MIER2: variants seen among roughly 807,000 people sequenced by gnomAD.
The protein encoded by MIER2 is MIER family member 2.
A neutral mutation model predicts 67.6 loss-of-function variants in MIER2; 30 were observed. The ratio of observed to expected loss-of-function variants is 0.44; its 90% CI spans 0.33 to 0.60. The LOEUF (loss-of-function observed/expected upper bound fraction) is 0.60, where lower values mean the gene tolerates loss of function less well. MIER2 is among the 20% of genes least tolerant of loss of function. The pLI is 0.02. For synonymous variants in MIER2, 372 were observed against 312.6 expected, an observed-to-expected ratio of 1.19 and a Z score of -2.00; for missense variants, 702 against 745.1, an observed-to-expected ratio of 0.94 and a Z score of 0.67.
rs202047659 is a variant in MIER2 at position 334,446 on chromosome 19, C to T, written c.197G>A (p.Cys66Tyr). Reference protein sequence around the residue: ...VRGECEEASRCPDKPKEELEK... With the variant: ...VRGECEEASRYPDKPKEELEK... ...CAGCTCCTCCTTGGGCTTGTCTGGG[C>T]ACCTCGAGGCCTCCTCGCACTCCCC... The change falls in exon 3 of 14, where the codon TGC (cysteine) becomes TAC (tyrosine). Residue 66 changes from cysteine (C) to tyrosine (Y), a missense_variant. Transcript: ENST00000264819. 1 of 1,614,208 alleles carries T rather than the reference C, an allele frequency of 6.2e-7. No homozygotes were observed. Among genetic ancestry groups the T allele is most frequent in the South Asian group, 1.1e-5 (1 of 91,088 alleles).
In MIER2 at chr19:308,644, A is replaced by G. The variant is rs1970778692; in HGVS notation, c.1131T>C (p.Asp377=). The G allele has an allele frequency of 1.2e-6, 2 of 1,605,368 alleles. No homozygotes were observed. Among genetic ancestry groups the G allele is most frequent in the Non-Finnish European group, 1.7e-6 (2 of 1,177,218 alleles). The stretch of plus-strand genomic sequence containing the variant: ...GGCCGGGGCCATCGGGGTCGCTGCC[A>G]TCCAGGTCCTGGTCTGCGTCCCTGT... ...SGTTDADQDL[D]GSDPDGPGRP... Residue 377 remains aspartate (D), a synonymous_variant, in exon 12 of 14, where the codon GAT becomes GAC. Transcript: ENST00000264819. The surrounding 1 kb of genome is among the most constrained non-coding windows in gnomAD (Gnocchi z 9.1).
intron 3 of MIER2, among the ~76,000 whole-genome samples, chr19:331,767 G>A (rs1972037225): frequency 6.6e-6 from 1 of 152,022 alleles, no homozygotes; most frequent in South Asian, 2.1e-4. Flanking sequence ...CAGATCACAA[G>A]GTCAAGAGTT....
chr19:336,050 G>A (rs368730971), intron 2 of MIER2, 33 bp downstream of exon 2: 73 of 1,600,942 alleles, frequency 4.6e-5, no homozygotes, highest in Non-Finnish European at 5.7e-5. Flanking sequence ...AGGCCTTGGC[G>A]GACCTGAGCA....
At chr19:343,407 T>C (rs893971629) in intron 1 of MIER2, among the ~76,000 whole-genome samples, 1 of 152,212 alleles carries the variant, frequency 6.6e-6, no homozygotes, top group African/African-American at 2.4e-5. Context: ...ACCATCTGCA[T>C]GGGGACTCAG....
In MIER2 at chr19:326,611, A is replaced by C; in HGVS notation, c.494-13T>G. The C allele has an allele frequency of 1.2e-6, 2 of 1,612,272 alleles. No homozygotes were observed. The highest frequency in any genetic ancestry group is 1.7e-6 in the Non-Finnish European group (2 of 1,178,344). ...GCCAGGAAACGAGCTTTGGGAAAAC[A>C]GAGGCAGGTCCCCCAGGGTCTCCAC... On this transcript the variant is annotated splice_polypyrimidine_tract_variant and intron_variant, in intron 5 of 13. Transcript: ENST00000264819.
At chr19:324,936 C>A (rs1235479295) in intron 7 of MIER2, among the ~76,000 whole-genome samples, 2 of 152,246 alleles carry the variant, frequency 1.3e-5, no homozygotes, top group East Asian at 1.9e-4. Context: ...ACGGGGCACC[C>A]CCGACCAGCC....
chr19:343,728 G>T, intron 1 of MIER2: 2 of 598,624 alleles, frequency 3.3e-6, no homozygotes, highest in Non-Finnish European at 4.2e-6. Flanking sequence ...GAGTCTGCCC[G>T]CCTGTCGTAA....
At chr19:317,263 G>C (rs940452991) in intron 7 of MIER2, among the ~76,000 whole-genome samples, 4 of 149,748 alleles carry the variant, frequency 2.7e-5, no homozygotes, top group East Asian at 2.0e-4. Flanking sequence ...CGCGGTGGCG[G>C]GCACCTGTAA....
Position 306,420 on chromosome 19 carries a change from G to A in MIER2, c.*270C>T, listed in dbSNP as rs990680470. On this transcript the variant is annotated 3_prime_UTR_variant, in exon 14 of 14. Coordinates refer to ENST00000264819, the MANE Select transcript of MIER2 (RefSeq NM_017550.3). ...GGGTCTCTTCTGTCCCCGGCTGCCC[G>A]ACGGATCCCACGTGCAGGCAGCGGC... 6.0e-5 allele frequency: 35 copies of A among 585,984 alleles called. No homozygotes were observed. Among genetic ancestry groups the A allele is most frequent in the East Asian group, 5.1e-4 (18 of 35,316 alleles). The allele number at this position is 585,984 out of a possible 1,614,324, so 36.3% of individuals were successfully genotyped here.
chr19:308,750 C>T lies in MIER2; in HGVS notation c.1109+51G>A, dbSNP rs769355890. 6.3e-6 allele frequency: 10 copies of T among 1,593,062 alleles called. No individual in the cohort carries two copies. Among genetic ancestry groups the T allele is most frequent in the South Asian group, 4.4e-5 (4 of 90,296 alleles). ...TGCCGCCCAGGCGCCCACGTGCCCA[C>T]CCCCGGCGGGGTGGCCGCCTGTCGT... On this transcript the variant is annotated intron_variant, in intron 11 of 13. Transcript: ENST00000264819. The surrounding 1 kb of genome is among the most constrained non-coding windows in gnomAD (Gnocchi z 9.1).
chr19:306,983 C>T (rs1409850173), intron 13 of MIER2, 136 bp downstream of exon 13: 2 of 1,101,194 alleles, frequency 1.8e-6, no homozygotes, highest in Non-Finnish European at 2.5e-6. Flanking sequence ...TAAAGACACA[C>T]TGAGAGCCTG....
At chr19:330,482 G>C (rs1261627510) in intron 3 of MIER2, 4 of 151,006 alleles carry the variant, frequency 2.6e-5, no homozygotes, top group Non-Finnish European at 5.9e-5. Flanking sequence ...CTGGGAGGCG[G>C]AGCTTGCAGT....
intron 10 of MIER2, 106 bp downstream of exon 10, chr19:311,739 C>A (rs1163326882): frequency 1.9e-6 from 2 of 1,062,100 alleles, no homozygotes; most frequent in Non-Finnish European, 2.8e-6. Context: ...GGACACAGGA[C>A]ACGGGGCTCC....
In MIER2 at chr19:334,471, CCCT is replaced by C; in HGVS notation, c.169_171del (p.Arg57del). The C allele has an allele frequency of 6.2e-7, 1 of 1,614,178 alleles. No homozygotes were observed. On this transcript the variant is annotated inframe_deletion, in exon 3 of 14. Coordinates refer to ENST00000264819, the MANE Select transcript of MIER2 (RefSeq NM_017550.3). ...CACCTCGAGGCCTCCTCGCACTCCC[CCCT>C]AACACTGTAGTTCTGTGACAGGATC...
intron 5 of MIER2, 90 bp downstream of exon 5, chr19:327,043 C>CCCAAGGA: frequency 6.8e-7 from 1 of 1,480,504 alleles, no homozygotes; most frequent in Non-Finnish European, 9.0e-7. Flanking sequence ...GAGTTCTTGG[C>CCCAAGGA]CTGCATCAGC....
At chr19:344,107 G>C in intron 1 of MIER2, 2 of 985,418 alleles carry the variant, frequency 2.0e-6, no homozygotes, top group Non-Finnish European at 2.4e-6. Context: ...GAGGGAGGAG[G>C]CTCCAGAAGT....
intron 3 of MIER2, 89 bp downstream of exon 3, chr19:334,311 C>A: frequency 6.4e-7 from 1 of 1,557,812 alleles, no homozygotes; most frequent in Non-Finnish European, 8.7e-7. Context: ...TAGCACTTAC[C>A]AATGTGGAAT....
rs937131539 is a variant in MIER2 at position 344,578 on chromosome 19, G to C, written c.9+196C>G. ...ATGTGGCAGCCGGGGGAGTTGGGGG[G>C]TGGGGGCCGGCCGGGGGCGGCCGCC... On this transcript the variant is annotated intron_variant, in intron 1 of 13. Coordinates refer to ENST00000264819, the MANE Select transcript of MIER2 (RefSeq NM_017550.3). 5.6e-5 allele frequency: 7 copies of C among 125,498 alleles called. No homozygotes were observed. In the Admixed American group the frequency reaches 0.022, roughly 393 times the overall value. The allele number at this position is 125,498 out of a possible 1,614,324, so 7.8% of individuals were successfully genotyped here.
intron 3 of MIER2, 48 bp from the exon 4 acceptor site, chr19:328,037 G>T (rs904157441): frequency 6.9e-6 from 11 of 1,604,992 alleles, no homozygotes; most frequent in Non-Finnish European, 9.3e-6. Flanking sequence ...ACGGCTCTGG[G>T]GGTTCCTGTC....
Sources: allele counts gnomAD v4.1 joint callset (sites outside exome capture counted in the v4.1 genomes callset), GRCh38; gene constraint gnomAD v4.1.1; non-coding constraint Gnocchi (gnomAD v3.1); transcripts MANE v1.5; gene names NCBI Gene and HGNC (gene_info 2026-07-23, HGNC 2026-07-21).